The following USP25 variants were observed in gnomAD, a reference collection of about 807,000 sequenced individuals.
USP25 encodes ubiquitin specific peptidase 25.
USP25 carries 85 observed loss-of-function variants against 158.5 expected under a neutral mutation model. That is an observed-to-expected ratio of 0.54 (90% CI 0.45 to 0.64). The LOEUF (loss-of-function observed/expected upper bound fraction) is 0.64, where lower values mean the gene tolerates loss of function less well. Among genes scored for constraint, USP25 ranks in the 30% least tolerant of loss-of-function variants. The probability of loss-of-function intolerance (pLI) is 0.00; values close to 1 mark genes in which losing one functional copy is unlikely to be tolerated. For synonymous variants in USP25, 464 were observed against 460.4 expected (o/e 1.01, Z -0.10); for missense variants, 1,242 against 1,327.3 (o/e 0.94, Z 1.00).
At chr21:15,834,410 A>G (rs2037959675) in intron 17 of USP25, among the ~76,000 whole-genome samples, 1 of 152,184 alleles carries the variant, frequency 6.6e-6, no homozygotes, top group Non-Finnish European at 1.5e-5. Context: ...CTCTTTTTAT[A>G]ACTGCTAGTG....
chr21:15,805,111 C>A lies in USP25; in HGVS notation c.643-10C>A. The A allele has an allele frequency of 6.4e-7, 1 of 1,554,536 alleles. No homozygotes were observed. Among genetic ancestry groups the A allele is most frequent in the Non-Finnish European group, 8.6e-7 (1 of 1,158,762 alleles). ...AAGGTGTTTTTGTTTTTGTTTTTTT[C>A]CTTCAATAGGAACATCGGAATTTGC... On this transcript the variant is annotated splice_polypyrimidine_tract_variant and intron_variant, in intron 6 of 25. Coordinates refer to ENST00000400183, the MANE Select transcript of USP25 (RefSeq NM_001283041.3).
intron 5 of USP25, among the ~76,000 whole-genome samples, chr21:15,799,046 C>T (rs973852385): frequency 2.6e-5 from 4 of 151,048 alleles, no homozygotes; most frequent in Non-Finnish European, 4.5e-5. Flanking sequence ...GAAAATTTTG[C>T]AAGAAAATAC....
At chr21:15,743,759 G>A (rs943747921) in intron 1 of USP25, among the ~76,000 whole-genome samples, 3 of 152,028 alleles carry the variant, frequency 2.0e-5, no homozygotes, top group East Asian at 3.9e-4. Flanking sequence ...CCTAGGAGTT[G>A]GTCTACTGTG....
chr21:15,730,955 CCTTT>C (rs567805394), intron 1 of USP25, among the ~76,000 whole-genome samples: 178 of 142,464 alleles, frequency 1.2e-3, no homozygotes, highest in African/African-American at 4.2e-3. Context: ...TTAAGGTTTC[CCTTT>C]CTTCTTCTTC....
chr21:15,791,421 T>C, intron 4 of USP25, 81 bp from the exon 5 acceptor site: 2 of 1,352,562 alleles, frequency 1.5e-6, no homozygotes, highest in Non-Finnish European at 1.9e-6. Flanking sequence ...TCTTATGTAA[T>C]GAAAATGCTT....
intron 3 of USP25, among the ~76,000 whole-genome samples, chr21:15,769,780 G>GA (rs1201973678): frequency 3.9e-5 from 6 of 151,912 alleles, no homozygotes; most frequent in Admixed American, 1.3e-4. Context: ...TTTAAAACAG[G>GA]AAAAAAACAG....
chr21:15,859,279 G>A (rs1260476593), intron 20 of USP25, among the ~76,000 whole-genome samples: 1 of 151,208 alleles, frequency 6.6e-6, no homozygotes, highest in East Asian at 1.9e-4. Context: ...TGCAGGCTCC[G>A]CCTCCCGGGT....
At chr21:15,792,700 T>C (rs1275471464) in intron 5 of USP25, among the ~76,000 whole-genome samples, 4 of 151,634 alleles carry the variant, frequency 2.6e-5, no homozygotes, top group Non-Finnish European at 5.9e-5. Flanking sequence ...TTTTATATAC[T>C]TCAGTGCTAA....
chr21:15,853,519 T>G (rs2038990847), intron 20 of USP25, among the ~76,000 whole-genome samples: 1 of 152,230 alleles, frequency 6.6e-6, no homozygotes, highest in African/African-American at 2.4e-5. Flanking sequence ...AAATAGTATG[T>G]TCGTTTTCCT....
At chr21:15,778,120 T>C (rs2034764781) in intron 4 of USP25, 93 bp downstream of exon 4, 4 of 1,185,274 alleles carry the variant, frequency 3.4e-6, no homozygotes, top group Non-Finnish European at 4.5e-6. Flanking sequence ...TAATAAGATA[T>C]ACTTTGTTAC....
chr21:15,771,887 A>G (rs916083217), intron 3 of USP25, among the ~76,000 whole-genome samples: 3 of 152,128 alleles, frequency 2.0e-5, no homozygotes, highest in African/African-American at 7.2e-5. Context: ...CTGACAGTAA[A>G]TATAAACTTG....
intron 1 of USP25, among the ~76,000 whole-genome samples, chr21:15,735,964 C>CTGTGTG (rs530159084): frequency 0.02 from 2,881 of 144,968 alleles, 50 homozygotes; most frequent in African/African-American, 0.043. Context: ...TGTCCTAAAT[C>CTGTGTG]TGTGTGTGTG....
At chr21:15,773,716 C>T (rs1036753711) in intron 3 of USP25, among the ~76,000 whole-genome samples, 3 of 152,052 alleles carry the variant, frequency 2.0e-5, no homozygotes, top group Non-Finnish European at 4.4e-5. Context: ...TTATTGAGAA[C>T]CTCAGAGCTT....
intron 6 of USP25, among the ~76,000 whole-genome samples, chr21:15,802,004 AT>A (rs2036159055): frequency 6.6e-6 from 1 of 151,524 alleles, no homozygotes; most frequent in South Asian, 2.1e-4. Flanking sequence ...TGGAAATATA[AT>A]AATAGATCCT....
chr21:15,813,361 C>T (rs1035317996), intron 9 of USP25, among the ~76,000 whole-genome samples: 2 of 152,120 alleles, frequency 1.3e-5, no homozygotes, highest in African/African-American at 4.8e-5. Context: ...AGGTTTTGCC[C>T]AGTCCCCGAA....
rs768785979 is a variant in USP25 at position 15,843,678 on chromosome 21, G to A, written c.2337+1138G>A. On this transcript the variant is annotated intron_variant, in intron 18 of 25. Transcript: ENST00000400183. The surrounding 1 kb of genome is among the most constrained non-coding windows in gnomAD (Gnocchi z 4.0). ...AACTCTAAAGCTTTTCCTGGAAAAT[G>A]CTTTGTTTAGTGGATCTGGGATGTC... 7.9e-5 allele frequency among the ~76,000 whole-genome samples: 12 copies of A among 152,070 alleles called. No individual in the cohort carries two copies. Among genetic ancestry groups the A allele is most frequent in the Admixed American group, 1.3e-4 (2 of 15,266 alleles).
intron 17 of USP25, among the ~76,000 whole-genome samples, chr21:15,833,971 A>G (rs1389570873): frequency 6.6e-6 from 1 of 152,196 alleles, no homozygotes; most frequent in East Asian, 1.9e-4. Flanking sequence ...CCAAAATAAT[A>G]CTACCGGTAT....
In USP25 at chr21:15,766,187, A is replaced by G; in HGVS notation, c.268+46A>G. ...TATTATTTTAATAGAAACATACTGA[A>G]AAACTTTTCTTGGTGTAATATATTA... On this transcript the variant is annotated intron_variant, in intron 3 of 25. Transcript: ENST00000400183. This position sits in a 1 kb window ranked among gnomAD's most constrained non-coding sequence, Gnocchi z 4.0. The G allele has an allele frequency of 6.5e-7, 1 of 1,538,582 alleles. No homozygotes were observed. The highest frequency in any genetic ancestry group is 8.7e-7 in the Non-Finnish European group (1 of 1,152,004).
chr21:15,866,239 G>A (rs1370053176), intron 21 of USP25, 27 bp from the exon 22 acceptor site: 9 of 1,508,132 alleles, frequency 6.0e-6, no homozygotes, highest in African/African-American at 4.2e-5. Context: ...ATACACACAC[G>A]CTCATATGTA....
Sources: allele counts gnomAD v4.1 joint callset (sites outside exome capture counted in the v4.1 genomes callset), GRCh38; gene constraint gnomAD v4.1.1; non-coding constraint Gnocchi (gnomAD v3.1); transcripts MANE v1.5; gene names NCBI Gene and HGNC (gene_info 2026-07-23, HGNC 2026-07-21).